The following TOX2 variants were observed in gnomAD, a reference collection of about 807,000 sequenced individuals.
The protein encoded by TOX2 is granulosa cell HMG box 1.
In TOX2, 15 loss-of-function variants were observed where a neutral mutation model predicts 47.4. The ratio of observed to expected loss-of-function variants is 0.32; its 90% confidence interval spans 0.21 to 0.49. The LOEUF is 0.49. Among genes scored for constraint, TOX2 ranks in the 20% least tolerant of loss-of-function variants. The pLI is 0.99. For synonymous variants in TOX2, 290 were observed against 296.6 expected, an observed-to-expected ratio of 0.98 and a Z score of 0.23; for missense variants, 622 against 673.1, an observed-to-expected ratio of 0.92 and a Z score of 0.84.
rs759987340 is a variant in TOX2 at position 44,054,506 on chromosome 20, C to T, written c.859C>T (p.Leu287=). The T allele has an allele frequency of 6.2e-7, 1 of 1,614,044 alleles. No individual in the cohort carries two copies. Among genetic ancestry groups the T allele is most frequent in the Non-Finnish European group, 8.5e-7 (1 of 1,179,994 alleles). The part of the protein sequence containing the change: ...SKIVASMWDS[L]GEEQKQAYKR... ...AATCGTGGCCTCCATGTGGGACAGCCTGGGAGAGGAACAGAAGCAGGTGAG... is the reference window on the plus strand; with the variant it reads ...AATCGTGGCCTCCATGTGGGACAGCTTGGGAGAGGAACAGAAGCAGGTGAG... Residue 287 remains leucine, a synonymous_variant, in exon 5 of 9, where the codon CTG becomes TTG. Coordinates refer to ENST00000341197, the MANE Select transcript of TOX2 (RefSeq NM_001098797.2).
chr20:43,983,596 C>T (rs1053440700), intron 2 of TOX2, among the ~76,000 whole-genome samples: 6 of 152,180 alleles, frequency 3.9e-5, no homozygotes, highest in African/African-American at 1.2e-4. Context: ...GCTCTGAGTT[C>T]GAGGCTCCGC....
chr20:44,011,755 G>A (rs1390334547), intron 3 of TOX2, among the ~76,000 whole-genome samples: 1 of 152,196 alleles, frequency 6.6e-6, no homozygotes, highest in African/African-American at 2.4e-5. Context: ...GGCGGGCAAG[G>A]CCAAGGCATT....
In TOX2 at chr20:44,035,658, C is replaced by T. The variant is rs540963195; in HGVS notation, c.412-15648C>T. On this transcript the variant is annotated intron_variant, in intron 3 of 8. Coordinates refer to ENST00000341197, the MANE Select transcript of TOX2 (RefSeq NM_001098797.2). ...GGGCTGGAGGGAGACGTGGCTGATGCGTGGGGAGAGGCTGGTTCTTGCCCA... is the reference window on the plus strand; with the variant it reads ...GGGCTGGAGGGAGACGTGGCTGATGTGTGGGGAGAGGCTGGTTCTTGCCCA... 1.1e-4 allele frequency among the ~76,000 whole-genome samples: 16 copies of T among 152,292 alleles called. No individual in the cohort carries two copies. The South Asian group carries it at 3.1e-3, about 30-fold the overall frequency.
At chr20:44,039,877 C>G (rs1277230705) in intron 3 of TOX2, among the ~76,000 whole-genome samples, 1 of 152,208 alleles carries the variant, frequency 6.6e-6, no homozygotes, top group African/African-American at 2.4e-5. Context: ...GCACAGAACA[C>G]CCTCAGGCAG....
intron 2 of TOX2, among the ~76,000 whole-genome samples, chr20:43,983,887 G>C (rs892908664): frequency 6.6e-6 from 1 of 152,130 alleles, no homozygotes; most frequent in Non-Finnish European, 1.5e-5. Flanking sequence ...GAGGCTCTTC[G>C]AAACAAATAA....
At chr20:43,997,181 C>G (rs2070496361) in intron 2 of TOX2, among the ~76,000 whole-genome samples, 1 of 152,136 alleles carries the variant, frequency 6.6e-6, no homozygotes, top group Non-Finnish European at 1.5e-5. Context: ...AAAATGGCAG[C>G]CTGAGAACTT....
At chr20:44,033,336 G>A (rs988316466) in intron 3 of TOX2, among the ~76,000 whole-genome samples, 6 of 152,088 alleles carry the variant, frequency 3.9e-5, no homozygotes, top group African/African-American at 9.6e-5. Context: ...GGGAAGACTC[G>A]CATGGGGGAG....
At chr20:43,946,119 T>C in intron 1 of TOX2, 1 of 1,573,672 alleles carries the variant, frequency 6.4e-7, no homozygotes, top group Non-Finnish European at 8.6e-7. Flanking sequence ...GATGTCTGGA[T>C]GGGGGCAGGC....
intron 3 of TOX2, among the ~76,000 whole-genome samples, chr20:44,050,678 G>A (rs1471061005): frequency 2.0e-5 from 3 of 152,188 alleles, no homozygotes; most frequent in South Asian, 2.1e-4. Flanking sequence ...AGGAAGAAAA[G>A]TACTCAACTT....
At chr20:43,954,332 C>A (rs1167784984) in intron 1 of TOX2, among the ~76,000 whole-genome samples, 5 of 152,220 alleles carry the variant, frequency 3.3e-5, no homozygotes, top group Non-Finnish European at 7.3e-5. Context: ...TACAGAGAGA[C>A]CCTGTCTCCA....
intron 1 of TOX2, among the ~76,000 whole-genome samples, chr20:43,951,606 C>G (rs2145388622): frequency 6.6e-6 from 1 of 151,342 alleles, no homozygotes; most frequent in Middle Eastern, 3.5e-3. Context: ...TGAATTCTGA[C>G]CTTGCTTGGG....
At chr20:44,061,485 ATCT>A (rs2145787080) in intron 5 of TOX2, among the ~76,000 whole-genome samples, 1 of 152,200 alleles carries the variant, frequency 6.6e-6, no homozygotes, top group South Asian at 2.1e-4. Context: ...AATAAAAGCC[ATCT>A]ATGATAAACC....
At chr20:44,002,420 G>A (rs1012079167) in intron 2 of TOX2, among the ~76,000 whole-genome samples, 5 of 152,142 alleles carry the variant, frequency 3.3e-5, no homozygotes, top group African/African-American at 4.8e-5. Flanking sequence ...AATAACTAAC[G>A]CTGACATCAC....
At chr20:43,987,473 C>T (rs1466352491) in intron 2 of TOX2, among the ~76,000 whole-genome samples, 4 of 152,142 alleles carry the variant, frequency 2.6e-5, no homozygotes, top group Admixed American at 6.5e-5. Flanking sequence ...TATGAAAATT[C>T]ATTGAGCTGT....
chr20:43,923,148 A>G (rs906233043), intron 1 of TOX2, among the ~76,000 whole-genome samples: 1 of 151,912 alleles, frequency 6.6e-6, no homozygotes, highest in African/African-American at 2.4e-5. Flanking sequence ...AAGGAGGGGA[A>G]ACCTGCCTGC....
At chr20:44,041,496 T>A (rs2071331060) in intron 3 of TOX2, among the ~76,000 whole-genome samples, 1 of 152,154 alleles carries the variant, frequency 6.6e-6, no homozygotes, top group Admixed American at 6.6e-5. Flanking sequence ...GCTGTCCCCA[T>A]GTTTTTGCTG....
At chr20:44,052,114 C>T (rs35925308) in intron 4 of TOX2, among the ~76,000 whole-genome samples, 11,656 of 152,236 alleles carry the variant, frequency 0.077, 507 homozygotes, top group East Asian at 0.13. Context: ...GTCCAGAAGA[C>T]AGCACCTCTG....
intron 8 of TOX2, among the ~76,000 whole-genome samples, chr20:44,068,086 ACTCAG>A (rs2071865179): frequency 6.6e-6 from 1 of 151,858 alleles, no homozygotes; most frequent in Non-Finnish European, 1.5e-5. Context: ...GGGTGGGTGG[ACTCAG>A]CTCAGCAAGA....
chr20:43,971,015 A>T (rs572175665), intron 1 of TOX2, among the ~76,000 whole-genome samples: 1 of 152,244 alleles, frequency 6.6e-6, no homozygotes, highest in African/African-American at 2.4e-5. Flanking sequence ...TTTTTAAATC[A>T]TCCAGTAGTC....
Sources: allele counts gnomAD v4.1 joint callset (sites outside exome capture counted in the v4.1 genomes callset), GRCh38; gene constraint gnomAD v4.1.1; transcripts MANE v1.5; gene names NCBI Gene and HGNC (gene_info 2026-07-23, HGNC 2026-07-21).